The following PRPF18 variants were observed in gnomAD, a reference collection of about 807,000 sequenced individuals.
PRPF18 encodes pre-mRNA-splicing factor 18.
In PRPF18, 38 loss-of-function variants were observed where a neutral mutation model predicts 46.5. The observed-to-expected ratio is 0.82, with a 90% CI of 0.63 to 1.07. The LOEUF is 1.07. Ranked by LOEUF, PRPF18 falls within the 50% of genes least tolerant of loss-of-function variation. The probability of loss-of-function intolerance (pLI) is 0.00; values close to 1 mark genes in which losing one functional copy is unlikely to be tolerated. For synonymous variants in PRPF18, 152 were observed against 146.7 expected (o/e 1.04, Z -0.26); for missense variants, 263 against 410.0 (o/e 0.64, Z 3.10).
chr10:13,593,330 T>TGAAG (rs548964639), intron 1 of PRPF18, among the ~76,000 whole-genome samples: 35 of 152,284 alleles, frequency 2.3e-4, no homozygotes, highest in African/African-American at 7.2e-4. Context: ...AGAAAGTTAC[T>TGAAG]GAAGGAAGGA....
chr10:13,591,169 G>A (rs189430847), intron 1 of PRPF18, among the ~76,000 whole-genome samples: 6 of 152,286 alleles, frequency 3.9e-5, no homozygotes, highest in African/African-American at 4.8e-5. Flanking sequence ...ACAACTAGGC[G>A]TCTTTTCTGT....
chr10:13,587,096 C>T lies in PRPF18; in HGVS notation c.10C>T (p.Leu4=). The T allele has an allele frequency of 1.2e-6, 2 of 1,614,112 alleles. No homozygotes were observed. Among genetic ancestry groups the T allele is most frequent in the Non-Finnish European group, 1.7e-6 (2 of 1,179,956 alleles). The change falls in exon 1 of 10, where the codon CTG becomes TTG. Residue 4 remains leucine, a synonymous_variant. Transcript: ENST00000378572. MDI[L]KSEILRKRQL... is the part of the protein sequence containing the mutation. ...AAATTCTGGCGGCGAGATGGACATT[C>T]TGAAATCAGAGATCCTTCGGAAGCG...
At chr10:13,633,733 T>C (rs1011856454), downstream of PRPF18, among the ~76,000 whole-genome samples, 2 of 152,058 alleles carry the variant, frequency 1.3e-5, no homozygotes, top group Non-Finnish European at 2.9e-5. Context: ...GCCTCCTCCT[T>C]CCCCCAGTAT....
Position 13,587,098 on chromosome 10 carries a change from G to A in PRPF18, c.12G>A (p.Leu4=), listed in dbSNP as rs768047945. The change falls in exon 1 of 10, where the codon CTG becomes CTA. Residue 4 remains leucine (L), a synonymous_variant. Transcript: ENST00000378572. The part of the protein sequence containing the change: MDI[L]KSEILRKRQL... ...ATTCTGGCGGCGAGATGGACATTCT[G>A]AAATCAGAGATCCTTCGGAAGCGGC... The A allele has an allele frequency of 1.9e-6, 3 of 1,614,168 alleles. No individual in the cohort carries two copies. In the South Asian group the frequency reaches 3.3e-5, roughly 18 times the overall value.
chr10:13,618,168 G>A (rs776324006), intron 9 of PRPF18, among the ~76,000 whole-genome samples: 4 of 152,184 alleles, frequency 2.6e-5, no homozygotes, highest in Non-Finnish European at 5.9e-5. Context: ...AGAAGGGATG[G>A]AGTGTATGTT....
intron 9 of PRPF18, among the ~76,000 whole-genome samples, chr10:13,616,803 A>G (rs1200511817): frequency 6.6e-6 from 1 of 151,788 alleles, no homozygotes; most frequent in East Asian, 1.9e-4. Context: ...CTGAAATAAA[A>G]TGATTGCAGT....
chr10:13,591,787 A>G (rs1397968491), intron 1 of PRPF18: 13 of 1,428,566 alleles, frequency 9.1e-6, no homozygotes, highest in Admixed American at 7.5e-5. Context: ...ATTGAGGACC[A>G]GAGGTCCAGT....
At chr10:13,593,337 A>G (rs2079990732) in intron 1 of PRPF18, among the ~76,000 whole-genome samples, 1 of 152,216 alleles carries the variant, frequency 6.6e-6, no homozygotes, top group South Asian at 2.1e-4. Context: ...TACTGAAGGA[A>G]GGAAGGAATG....
At chr10:13,630,011 C>T (rs1352956635) in intron 9 of PRPF18, among the ~76,000 whole-genome samples, 1 of 152,108 alleles carries the variant, frequency 6.6e-6, no homozygotes, top group East Asian at 1.9e-4. Context: ...CATATGTCCT[C>T]CTATGGATGG....
chr10:13,605,994 A>G (rs1234601954), intron 4 of PRPF18, among the ~76,000 whole-genome samples: 3 of 152,180 alleles, frequency 2.0e-5, no homozygotes, highest in Non-Finnish European at 4.4e-5. Flanking sequence ...GTCACCAAAG[A>G]AATTTCCCTG....
intron 4 of PRPF18, 133 bp from the exon 5 acceptor site, chr10:13,609,906 T>C (rs1231366657): frequency 1.8e-5 from 15 of 850,948 alleles, no homozygotes; most frequent in Non-Finnish European, 2.5e-5. Context: ...TTGATGTGAT[T>C]TGAGTCCCTA....
chr10:13,654,628 G>A, the PRPF18 span: 1 of 670,828 alleles, frequency 1.5e-6, no homozygotes. Context: ...CATTTCCAGG[G>A]ATGCTGGGAA....
chr10:13,645,275 C>G, the PRPF18 span: 1 of 152,280 alleles, frequency 6.6e-6, no homozygotes, highest in Middle Eastern at 3.4e-3. Context: ...TGCTTTCCCA[C>G]AAAACTACCC....
downstream of PRPF18, among the ~76,000 whole-genome samples, chr10:13,633,713 A>C (rs551632298): frequency 2.3e-4 from 35 of 152,254 alleles, no homozygotes; most frequent in Middle Eastern, 6.8e-3. Flanking sequence ...AACACAACTT[A>C]ATGGATTGTG....
chr10:13,592,238 T>C (rs2133145589), intron 1 of PRPF18: 5 of 545,828 alleles, frequency 9.2e-6, no homozygotes, highest in South Asian at 1.6e-5. Context: ...GAGGTGACCC[T>C]TTTTCACCTT....
At chr10:13,642,670 C>G in the PRPF18 span, 1 of 152,130 alleles carries the variant, frequency 6.6e-6, no homozygotes, top group African/African-American at 2.4e-5. Flanking sequence ...GAAGATGATA[C>G]GCTAATTTCC....
the PRPF18 span, chr10:13,654,173 C>A: frequency 5.3e-6 from 3 of 569,028 alleles, no homozygotes; most frequent in South Asian, 7.0e-5. Flanking sequence ...TCCATCTCCC[C>A]ACATCCCAAG....
At chr10:13,653,086 G>A in the PRPF18 span, 2 of 152,216 alleles carry the variant, frequency 1.3e-5, no homozygotes, top group East Asian at 3.8e-4. Context: ...GGATGATGAG[G>A]ATTGTATGAG....
chr10:13,597,723 A>G, intron 2 of PRPF18, 188 bp downstream of exon 2: 1 of 1,479,394 alleles, frequency 6.8e-7, no homozygotes, highest in Non-Finnish European at 9.3e-7. Flanking sequence ...TCAGGAAAAT[A>G]CATGCATGAC....
Sources: gnomAD v4.1 joint callset for allele counts (sites outside exome capture counted in the v4.1 genomes callset) on GRCh38, gnomAD v4.1.1 for gene constraint, MANE v1.5 for transcripts, NCBI Gene and HGNC (gene_info 2026-07-23, HGNC 2026-07-21) for gene names.